RNF217: variants seen among roughly 807,000 people sequenced by gnomAD.
RNF217 encodes ring finger protein 217.
A neutral mutation model predicts 57.8 loss-of-function variants in RNF217; 31 were observed. The observed-to-expected ratio is 0.54, with a 90% CI of 0.40 to 0.72. The LOEUF is 0.72. RNF217 is among the 30% of genes least tolerant of loss of function. The pLI, the probability that RNF217 is intolerant of heterozygous loss-of-function variation, is 0.00. For missense variants in RNF217, 696 were observed against 708.3 expected (o/e 0.98, Z 0.20); for synonymous variants, 313 against 294.0 (o/e 1.06, Z -0.66).
intron 1 of RNF217, among the ~76,000 whole-genome samples, chr6:125,008,061 C>T (rs1053486981): frequency 3.9e-4 from 59 of 152,112 alleles, no homozygotes; most frequent in African/African-American, 1.4e-3. Flanking sequence ...TCAAGACCAT[C>T]CCGGCTGACA....
Position 125,077,488 on chromosome 6 carries a change from C to T in RNF217, c.1483+630C>T, listed in dbSNP as rs550674087. 3.9e-5 allele frequency among the ~76,000 whole-genome samples: 6 copies of T among 152,294 alleles called. No homozygotes were observed. The South Asian group carries it at 1.2e-3, about 32-fold the overall frequency. ...CTTTTTACCCCCTCTTCCTCAACAA[C>T]ACATAGTAGCCTCATACACAACCCC... On this transcript the variant is annotated intron_variant, in intron 4 of 5. Transcript: ENST00000521654.
At chr6:125,038,903 T>C (rs1786760701) in intron 1 of RNF217, among the ~76,000 whole-genome samples, 2 of 152,126 alleles carry the variant, frequency 1.3e-5, no homozygotes, top group South Asian at 4.1e-4. Flanking sequence ...ACGTGTGCCA[T>C]GGTGGTTTGC....
rs535935557 is a variant in RNF217, at chr6:125,010,847, G to T, written c.883-34364G>T. ...AGAGCTGAGGAATGATCTAAGGTCT[G>T]CCAGCTCCAAAGTCCAGCCCTCCCA... On this transcript the variant is annotated intron_variant, in intron 1 of 5. Transcript: ENST00000521654. 2.6e-5 allele frequency among the ~76,000 whole-genome samples: 4 copies of T among 152,240 alleles called. No homozygotes were observed. The East Asian group carries it at 7.7e-4, about 29-fold the overall frequency.
Position 125,084,631 on chromosome 6 carries a change from GAATA to G in RNF217, c.*1696_*1699del, listed in dbSNP as rs908754344. 2.0e-5 allele frequency: 3 copies of G among 151,954 alleles called. No homozygotes were observed. The highest frequency in any genetic ancestry group is 7.2e-5 in the African/African-American group (3 of 41,418). 9.4% of individuals were successfully genotyped at this position (151,954 alleles called of 1,614,324 possible). ...CATAAAAAGTGAAGTTGACTTGCGT[GAATA>G]ACAATCCAGCATGCTTTCATTCTTT... is the stretch of plus-strand genomic sequence containing the variant. On this transcript the variant is annotated 3_prime_UTR_variant, in exon 6 of 6. Coordinates refer to ENST00000521654, the MANE Select transcript of RNF217 (RefSeq NM_001286398.3).
chr6:124,974,918 T>C (rs1783904856), intron 1 of RNF217, among the ~76,000 whole-genome samples: 1 of 152,196 alleles, frequency 6.6e-6, no homozygotes, highest in South Asian at 2.1e-4. Flanking sequence ...TAGAGATCTG[T>C]ATTCCCTGGA....
intron 3 of RNF217, among the ~76,000 whole-genome samples, chr6:125,069,881 TG>T (rs1218894942): frequency 3.9e-5 from 6 of 152,180 alleles, no homozygotes; most frequent in African/African-American, 1.4e-4. Flanking sequence ...CAATAGTTTT[TG>T]GGGTACCGTT....
chr6:125,045,140 A>G (rs989232687), intron 1 of RNF217, 71 bp from the exon 2 acceptor site: 6 of 938,082 alleles, frequency 6.4e-6, no homozygotes, highest in African/African-American at 1.7e-5. Context: ...GTAATACTGT[A>G]TACAAAAAAA....
chr6:124,997,687 C>T (rs1562459966), intron 1 of RNF217, among the ~76,000 whole-genome samples: 1 of 152,194 alleles, frequency 6.6e-6, no homozygotes, highest in Non-Finnish European at 1.5e-5. Flanking sequence ...GATACCTGGA[C>T]ACTAGTTTCA....
chr6:125,019,312 G>C (rs772882893), intron 1 of RNF217, among the ~76,000 whole-genome samples: 9 of 152,060 alleles, frequency 5.9e-5, no homozygotes, highest in Non-Finnish European at 1.2e-4. Flanking sequence ...TCCTACATTA[G>C]AGATTGACTT....
At position 125,061,639 on chromosome 6, in the gene RNF217, A is replaced by T. The variant is rs930682323; in HGVS notation, c.1281+3533A>T. On this transcript the variant is annotated intron_variant, in intron 3 of 5. Coordinates refer to ENST00000521654, the MANE Select transcript of RNF217 (RefSeq NM_001286398.3). ...GAGTGGTAGGTTTTCGTTTTTTTTT[A>T]AATTAATTGATTTGCATATGTATTG... Among the ~76,000 whole-genome samples the T allele has an allele frequency of 2.1e-4, 32 of 150,376 alleles. No homozygotes were observed. In the East Asian group the frequency reaches 2.5e-3, roughly 12 times the overall value.
At chr6:125,054,906 T>C (rs1260183115) in intron 2 of RNF217, among the ~76,000 whole-genome samples, 2 of 152,282 alleles carry the variant, frequency 1.3e-5, no homozygotes, top group South Asian at 2.1e-4. Context: ...GGCATGATGA[T>C]TTCTGTGTGA....
At chr6:125,038,790 C>G (rs573133506) in intron 1 of RNF217, among the ~76,000 whole-genome samples, 1 of 151,964 alleles carries the variant, frequency 6.6e-6, no homozygotes, top group African/African-American at 2.4e-5. Context: ...TTGTTAGGAG[C>G]TTGGTATGAG....
intron 1 of RNF217, among the ~76,000 whole-genome samples, chr6:124,976,519 C>T (rs771005045): frequency 3.3e-5 from 5 of 151,740 alleles, no homozygotes; most frequent in African/African-American, 9.7e-5. Context: ...CCACCTGCCT[C>T]GGCCTCCCAA....
At chr6:124,964,237 T>A (rs536721602) in intron 1 of RNF217, among the ~76,000 whole-genome samples, 19 of 152,350 alleles carry the variant, frequency 1.2e-4, no homozygotes, top group Non-Finnish European at 2.8e-4. Context: ...CAATCCTGGA[T>A]GCCCTTTGAT....
chr6:124,989,060 T>A (rs201056103), intron 1 of RNF217, among the ~76,000 whole-genome samples: 1 of 92,796 alleles, frequency 1.1e-5, no homozygotes, highest in South Asian at 3.3e-4. Flanking sequence ...TAATTTAATT[T>A]GCTTGTCTAA....
At chr6:124,968,045 G>A (rs1783615204) in intron 1 of RNF217, among the ~76,000 whole-genome samples, 1 of 152,160 alleles carries the variant, frequency 6.6e-6, no homozygotes, top group Non-Finnish European at 1.5e-5. Flanking sequence ...CTCCCAAAGT[G>A]CTGGGGGATT....
chr6:125,036,660 G>A lies in RNF217; in HGVS notation c.883-8551G>A, dbSNP rs116093334. On this transcript the variant is annotated intron_variant, in intron 1 of 5. Coordinates refer to ENST00000521654, the MANE Select transcript of RNF217 (RefSeq NM_001286398.3). ...CTAATATCCAGAATCTACAAGTAACGTAAACATATTTACAAGAAAAAAAAC... is the reference window on the plus strand; with the variant it reads ...CTAATATCCAGAATCTACAAGTAACATAAACATATTTACAAGAAAAAAAAC... Among the ~76,000 whole-genome samples, 405 of 151,858 alleles carry A rather than the reference G, an allele frequency of 2.7e-3. 1 individual carries two copies. Among genetic ancestry groups the A allele is most frequent in the African/African-American group, 9.2e-3 (383 of 41,414 alleles).
chr6:124,983,084 C>G (rs1321999772), intron 1 of RNF217, among the ~76,000 whole-genome samples: 3 of 152,170 alleles, frequency 2.0e-5, no homozygotes, highest in Non-Finnish European at 4.4e-5. Context: ...CAACGCTCCC[C>G]CCTCAACCAC....
chr6:125,023,549 G>A (rs1046360418), intron 1 of RNF217, among the ~76,000 whole-genome samples: 2 of 152,180 alleles, frequency 1.3e-5, no homozygotes, highest in African/African-American at 4.8e-5. Flanking sequence ...AGAACTGCCA[G>A]ATGATCCAGA....
Sources: gnomAD v4.1 joint callset for allele counts (sites outside exome capture counted in the v4.1 genomes callset) on GRCh38, gnomAD v4.1.1 for gene constraint, MANE v1.5 for transcripts, NCBI Gene and HGNC (gene_info 2026-07-23, HGNC 2026-07-21) for gene names.